ABR: variants seen among roughly 807,000 people sequenced by gnomAD.
ABR encodes ABR activator of RhoGEF and GTPase.
Under a neutral mutation model 107.2 loss-of-function variants are expected in ABR, and 35 were observed. That is an observed-to-expected ratio of 0.33 (90% CI 0.25 to 0.43). The LOEUF (loss-of-function observed/expected upper bound fraction) is 0.43, where lower values mean the gene tolerates loss of function less well. ABR is among the 20% of genes least tolerant of loss of function. ABR has a pLI of 1.00. For missense variants in ABR, 815 were observed against 1,115.2 expected, an observed-to-expected ratio of 0.73 and a Z score of 3.83; for synonymous variants, 498 against 462.0, an observed-to-expected ratio of 1.08 and a Z score of -1.00.
At chr17:1,007,384 T>C in intron 21 of ABR, 72 bp from the exon 22 acceptor site, 1 of 1,581,996 alleles carries the variant, frequency 6.3e-7, no homozygotes, top group Middle Eastern at 1.8e-4. Flanking sequence ...ACCCTTGGCC[T>C]TCGCTGTGGG....
At chr17:1,135,061 C>A (rs2039998044) in intron 1 of ABR, among the ~76,000 whole-genome samples, 1 of 152,194 alleles carries the variant, frequency 6.6e-6, no homozygotes, top group Non-Finnish European at 1.5e-5. Flanking sequence ...TGGGTGCCTG[C>A]CAGGCGGGTG....
intron 1 of ABR, among the ~76,000 whole-genome samples, chr17:1,136,814 G>A (rs1326255483): frequency 6.6e-6 from 1 of 152,068 alleles, no homozygotes; most frequent in African/African-American, 2.4e-5. Context: ...ATCTTTATCC[G>A]ACCACTCAAA....
chr17:1,052,405 G>C (rs1597563363), intron 14 of ABR, among the ~76,000 whole-genome samples: 2 of 120,416 alleles, frequency 1.7e-5, no homozygotes, highest in African/African-American at 3.2e-5. Flanking sequence ...AGGGTCAGAG[G>C]GAGGGTTCCG....
At chr17:1,114,449 G>A (rs1216851115) in intron 2 of ABR, among the ~76,000 whole-genome samples, 3 of 137,742 alleles carry the variant, frequency 2.2e-5, no homozygotes, top group African/African-American at 5.6e-5. Flanking sequence ...TAGTCTGGGC[G>A]ACAGAGCAAG....
At chr17:1,127,824 C>T (rs1465834294) in intron 1 of ABR, among the ~76,000 whole-genome samples, 1 of 152,218 alleles carries the variant, frequency 6.6e-6, no homozygotes, top group African/African-American at 2.4e-5. Context: ...CTGCCAGTCT[C>T]CCCACATGCA....
intron 1 of ABR, among the ~76,000 whole-genome samples, chr17:1,140,306 G>A (rs1461527930): frequency 2.0e-5 from 3 of 152,190 alleles, no homozygotes; most frequent in African/African-American, 7.2e-5. Context: ...AAGTCCAGGT[G>A]GAGACATGTC....
rs1165747117 is a variant in ABR, at chr17:1,071,276, A to G, written c.895-1186T>C. 1.3e-5 allele frequency among the ~76,000 whole-genome samples: 2 copies of G among 152,184 alleles called. No individual in the cohort carries two copies. The highest frequency in any genetic ancestry group is 2.9e-5 in the Non-Finnish European group (2 of 68,022). On this transcript the variant is annotated intron_variant, in intron 8 of 22. Transcript: ENST00000302538. This position sits in a 1 kb window ranked among gnomAD's most constrained non-coding sequence, Gnocchi z 5.1. The stretch of plus-strand genomic sequence containing the variant: ...CCAGACGCTGCACATCAGCACCAGG[A>G]GCCGCACGGAATCGGCTCTCTCTGC...
At chr17:1,130,783 GAC>G (rs2039789375) in intron 1 of ABR, among the ~76,000 whole-genome samples, 1 of 152,212 alleles carries the variant, frequency 6.6e-6, no homozygotes, top group Admixed American at 6.5e-5. Context: ...GGAAAACACA[GAC>G]AGAAGAGAAG....
chr17:1,102,406 T>C (rs1366160844), intron 2 of ABR, among the ~76,000 whole-genome samples: 1 of 152,138 alleles, frequency 6.6e-6, no homozygotes, highest in African/African-American at 2.4e-5. Flanking sequence ...AGAGAGCCTT[T>C]GGAAGCTGGA....
chr17:1,108,308 G>A (rs777194238), intron 2 of ABR, among the ~76,000 whole-genome samples: 4 of 152,166 alleles, frequency 2.6e-5, no homozygotes, highest in African/African-American at 7.2e-5. Context: ...CAGTTCCACC[G>A]GGAGCCAACC....
intron 21 of ABR, among the ~76,000 whole-genome samples, chr17:1,008,327 T>A (rs977842078): frequency 6.6e-6 from 1 of 152,152 alleles, no homozygotes; most frequent in African/African-American, 2.4e-5. Flanking sequence ...CCTCTCACCC[T>A]CAATACCATC....
intron 1 of ABR, among the ~76,000 whole-genome samples, chr17:1,144,689 C>T (rs1477725276): frequency 2.6e-5 from 4 of 151,080 alleles, no homozygotes; most frequent in African/African-American, 9.7e-5. Context: ...GTCAGGAGTT[C>T]GAGACCAGCC....
chr17:1,048,869 G>A (rs1014041685), intron 16 of ABR, among the ~76,000 whole-genome samples: 8 of 152,152 alleles, frequency 5.3e-5, no homozygotes, highest in African/African-American at 1.7e-4. Flanking sequence ...CACGCCCAAC[G>A]CCCGAGGCTC....
exon 1 of ABR, among the ~76,000 whole-genome samples, chr17:1,229,620 G>A (rs1310977714): frequency 2.0e-5 from 3 of 151,960 alleles, no homozygotes; most frequent in Non-Finnish European, 2.9e-5. Context: ...GAACGCGCGG[G>A]GGTCCCACAT....
At position 1,078,932 on chromosome 17, in the gene ABR, C is replaced by A. The variant is rs923697674; in HGVS notation, c.700+398G>T. 47 of 1,529,688 alleles carry A rather than the reference C, an allele frequency of 3.1e-5. No homozygotes were observed. The African/African-American group carries it at 5.9e-4, about 19-fold the overall frequency. The allele number at this position is 1,529,688 out of a possible 1,614,324, so 94.8% of individuals were successfully genotyped here. A position where few individuals can be genotyped will look rare whatever the true frequency, so the allele number is the denominator to read the frequency against. ...TCCCCGGCGCCCACCAGCAGCCCGG[C>A]CACTCAGCCACCTTGCTGATGCTGC... On this transcript the variant is annotated intron_variant, in intron 6 of 22. Coordinates refer to ENST00000302538, the MANE Select transcript of ABR (RefSeq NM_021962.5). The surrounding 1 kb of genome is among the most constrained non-coding windows in gnomAD (Gnocchi z 7.5).
intron 10 of ABR, among the ~76,000 whole-genome samples, chr17:1,062,027 C>T (rs149983682): frequency 2.6e-5 from 4 of 152,308 alleles, no homozygotes; most frequent in Non-Finnish European, 5.9e-5. Flanking sequence ...ACAGGGCACC[C>T]AACCAAGACT....
At chr17:1,107,285 G>C (rs1470785192) in intron 2 of ABR, among the ~76,000 whole-genome samples, 2 of 152,204 alleles carry the variant, frequency 1.3e-5, no homozygotes, top group African/African-American at 2.4e-5. Flanking sequence ...CTCTGAGATG[G>C]AGCGAGGCTG....
intron 16 of ABR, among the ~76,000 whole-genome samples, chr17:1,024,268 G>A (rs113217249): frequency 0.012 from 1,770 of 152,284 alleles, 35 homozygotes; most frequent in African/African-American, 0.04. Flanking sequence ...TATGCACAGC[G>A]TGCCAGGACG....
At chr17:1,144,390 A>T (rs1227134247) in intron 1 of ABR, among the ~76,000 whole-genome samples, 1 of 152,050 alleles carries the variant, frequency 6.6e-6, no homozygotes, top group Non-Finnish European at 1.5e-5. Context: ...AACGGGATTC[A>T]ACGAGGTGGG....
Sources: allele counts gnomAD v4.1 joint callset (sites outside exome capture counted in the v4.1 genomes callset), GRCh38; gene constraint gnomAD v4.1.1; non-coding constraint Gnocchi (gnomAD v3.1); transcripts MANE v1.5; gene names NCBI Gene and HGNC (gene_info 2026-07-23, HGNC 2026-07-21).